The following PCDHA12 variants were observed in gnomAD, a reference collection of about 807,000 sequenced individuals.
PCDHA12 encodes protocadherin alpha 12.
In PCDHA12, 44 loss-of-function variants were observed where a neutral mutation model predicts 60.0. The observed-to-expected ratio is 0.73, with a 90% confidence interval of 0.58 to 0.94. The LOEUF is 0.94. Ranked by LOEUF, PCDHA12 falls within the 40% of genes least tolerant of loss-of-function variation. PCDHA12 has a pLI of 0.00. For missense variants in PCDHA12, 1,276 were observed against 1,239.7 expected (o/e 1.03, Z -0.44); for synonymous variants, 569 against 553.0 (o/e 1.03, Z -0.40).
Position 141,009,792 on chromosome 5 carries a change from C to T in PCDHA12, c.2681C>T (p.Pro894Leu). Residue 894 changes from proline (P) to leucine (L), a missense_variant, in exon 4 of 4, where the codon CCT (proline) becomes CTT (leucine). Physicochemically the swap from Pro to Leu is moderately conservative, Grantham distance 98. Transcript: ENST00000398631. ...GCAATCATCTCCATCCGGCAGGAGC[C>T]TACTAACAGCCAAATTGACAAAAGT... ...SPAIISIRQEPTNSQIDKSDF... is the reference protein window; with the variant it reads ...SPAIISIRQELTNSQIDKSDF... 1 of 1,614,068 alleles carries T rather than the reference C, an allele frequency of 6.2e-7. No individual in the cohort carries two copies. The highest frequency in any genetic ancestry group is 8.5e-7 in the Non-Finnish European group (1 of 1,180,026).
chr5:140,900,080 A>G (rs62384484), intron 1 of PCDHA12, among the ~76,000 whole-genome samples: 49,691 of 152,040 alleles, frequency 0.33, 8,391 homozygotes, highest in East Asian at 0.53. Flanking sequence ...AAAGTGCTGC[A>G]GTTACAAGCA....
chr5:140,921,777 C>T (rs1434211783), intron 1 of PCDHA12, among the ~76,000 whole-genome samples: 1 of 152,030 alleles, frequency 6.6e-6, no homozygotes, highest in African/African-American at 2.4e-5. Context: ...TCAATACTGA[C>T]TTGGATGTTC....
chr5:140,926,351 C>T (rs1301072681), intron 1 of PCDHA12: 2 of 152,276 alleles, frequency 1.3e-5, no homozygotes, highest in African/African-American at 4.8e-5. Flanking sequence ...CGACGCGCGG[C>T]TCCCAAAGGG....
At chr5:141,005,594 C>T (rs534928198) in intron 3 of PCDHA12, among the ~76,000 whole-genome samples, 10 of 147,680 alleles carry the variant, frequency 6.8e-5, no homozygotes, top group African/African-American at 1.8e-4. Flanking sequence ...CCCAGCTACA[C>T]AGGAGGCTGA....
At position 140,982,704 on chromosome 5, in the gene PCDHA12, C is replaced by T. The variant is rs1393323812; in HGVS notation, c.2515+141C>T. ...CTTTTTTCCATACATACATGATTTCCTTACATATATGATTATTTTGATTTT... is the reference window on the plus strand; with the variant it reads ...CTTTTTTCCATACATACATGATTTCTTTACATATATGATTATTTTGATTTT... On this transcript the variant is annotated intron_variant, in intron 3 of 3. Coordinates refer to ENST00000398631, the MANE Select transcript of PCDHA12 (RefSeq NM_018903.4). 8 of 1,377,410 alleles carry T rather than the reference C, an allele frequency of 5.8e-6. No homozygotes were observed. In the African/African-American group the frequency reaches 1.2e-4, roughly 20 times the overall value. The allele number at this position is 1,377,410 out of a possible 1,614,324, so 85.3% of individuals were successfully genotyped here. A position where few individuals can be genotyped will look rare whatever the true frequency, so the allele number is the denominator to read the frequency against.
intron 1 of PCDHA12, among the ~76,000 whole-genome samples, chr5:140,923,177 A>G (rs1325033307): frequency 2.0e-5 from 3 of 152,174 alleles, no homozygotes; most frequent in African/African-American, 7.2e-5. Context: ...TTTTGTTCAG[A>G]TGCATCTACT....
intron 1 of PCDHA12, among the ~76,000 whole-genome samples, chr5:140,895,788 G>A (rs947578940): frequency 3.9e-5 from 6 of 152,014 alleles, no homozygotes; most frequent in East Asian, 1.9e-4. Context: ...ATTCAATGAC[G>A]TATATGTACA....
chr5:140,928,262 A>T lies in PCDHA12; in HGVS notation c.2367+50423A>T, dbSNP rs199571652. ...CAGCAGGAACTTTTCGTTGCTGAAA[A>T]CAATGGCCCTGGGGCCTCTCTAGGC... is the stretch of plus-strand genomic sequence containing the variant. On this transcript the variant is annotated intron_variant, in intron 1 of 3. Coordinates refer to ENST00000398631, the MANE Select transcript of PCDHA12 (RefSeq NM_018903.4). 20 of 1,614,214 alleles carry T rather than the reference A, an allele frequency of 1.2e-5. No homozygotes were observed. In the Admixed American group the frequency reaches 2.2e-4, roughly 17 times the overall value.
rs543806401 is a variant in PCDHA12, at chr5:140,877,144, G to A, written c.1672G>A (p.Glu558Lys). 1.9e-6 allele frequency: 3 copies of A among 1,613,772 alleles called. No homozygotes were observed. Among genetic ancestry groups the A allele is most frequent in the South Asian group, 2.2e-5 (2 of 91,074 alleles). Residue 558 changes from glutamate (E) to lysine (K), a missense_variant, in exon 1 of 4, where the codon GAG (glutamate) becomes AAG (lysine). Glu to Lys is a moderately conservative substitution (Grantham distance 56, BLOSUM62 1). Coordinates refer to ENST00000398631, the MANE Select transcript of PCDHA12 (RefSeq NM_018903.4). Reference sequence around the variant, plus strand: ...GACGCTGCAGGTGTTCGTGCTGGACGAGAACGACAACGCGCCGGCACTGCT... The same window carrying A: ...GACGCTGCAGGTGTTCGTGCTGGACAAGAACGACAACGCGCCGGCACTGCT... The part of the protein sequence containing the change: ...NVTLQVFVLD[E>K]NDNAPALLAT...
intron 1 of PCDHA12, among the ~76,000 whole-genome samples, chr5:140,930,805 A>T (rs2087129378): frequency 6.6e-6 from 1 of 152,218 alleles, no homozygotes; most frequent in Non-Finnish European, 1.5e-5. Flanking sequence ...CCAGCATATA[A>T]GATATGCTTA....
At position 141,009,636 on chromosome 5, in the gene PCDHA12, C is replaced by T. The variant is rs782321757; in HGVS notation, c.2525C>T (p.Ala842Val). ...ATGTTTTGTCTTTCAGAACCAGAGG[C>T]AGGAGAAGTGTCCCCTCCAGTCGGT... ...TVSSATPEPE[A>V]GEVSPPVGAG... Residue 842 changes from alanine (A) to valine (V), a missense_variant, in exon 4 of 4, where the codon GCA becomes GTA. Physicochemically the swap from Ala to Val is moderately conservative, Grantham distance 64. Transcript: ENST00000398631. 3.7e-6 allele frequency: 6 copies of T among 1,613,192 alleles called. No homozygotes were observed. Among genetic ancestry groups the T allele is most frequent in the Non-Finnish European group, 4.2e-6 (5 of 1,179,532 alleles).
intron 1 of PCDHA12, chr5:140,882,201 CT>C: frequency 6.5e-7 from 1 of 1,528,460 alleles, no homozygotes; most frequent in South Asian, 1.3e-5. Context: ...AAAATTGGGC[CT>C]TGAGAGACAG....
intron 1 of PCDHA12, chr5:140,883,869 A>G: frequency 6.2e-7 from 1 of 1,613,112 alleles, no homozygotes; most frequent in South Asian, 1.1e-5. Context: ...TTGCAGTTCC[A>G]GGTGAGCGCG....
chr5:140,948,005 T>G (rs246049), intron 1 of PCDHA12, among the ~76,000 whole-genome samples: 85,182 of 151,072 alleles, frequency 0.56, 24,606 homozygotes, highest in African/African-American at 0.69. Flanking sequence ...TTATTAAATT[T>G]AGGAAGTACC....
chr5:141,007,517 G>A (rs2098333696), intron 3 of PCDHA12, among the ~76,000 whole-genome samples: 1 of 151,984 alleles, frequency 6.6e-6, no homozygotes, highest in African/African-American at 2.4e-5. Flanking sequence ...GCAGTGAGCT[G>A]ATATCTCGCC....
intron 2 of PCDHA12, among the ~76,000 whole-genome samples, chr5:140,981,989 A>G (rs1343187322): frequency 2.0e-5 from 3 of 152,236 alleles, no homozygotes; most frequent in African/African-American, 4.8e-5. Flanking sequence ...AAAATAGAAA[A>G]TAAGGTTAAG....
chr5:140,942,391 G>A (rs901640537), intron 1 of PCDHA12, among the ~76,000 whole-genome samples: 1 of 151,546 alleles, frequency 6.6e-6, no homozygotes, highest in Non-Finnish European at 1.5e-5. Context: ...CAGCCTGGGC[G>A]ACAGATGAGA....
At chr5:140,927,381 A>G in intron 1 of PCDHA12, 2 of 1,614,102 alleles carry the variant, frequency 1.2e-6, no homozygotes, top group Non-Finnish European at 1.7e-6. Flanking sequence ...GCTACAGCCT[A>G]AGCCCCAGTC....
At chr5:140,895,481 A>G (rs1344099308) in intron 1 of PCDHA12, among the ~76,000 whole-genome samples, 1 of 152,168 alleles carries the variant, frequency 6.6e-6, no homozygotes, top group African/African-American at 2.4e-5. Flanking sequence ...CTTCGGAGAA[A>G]TACCTATTCA....
Sources: gnomAD v4.1 joint callset for allele counts (sites outside exome capture counted in the v4.1 genomes callset) on GRCh38, gnomAD v4.1.1 for gene constraint, MANE v1.5 for transcripts, NCBI Gene and HGNC (gene_info 2026-07-23, HGNC 2026-07-21) for gene names.